Variants in NTF4 observed in about 807,000 individuals in gnomAD.
NTF4 encodes the protein neurotrophin 4, also known as neurotrophin-4.
NTF4 carries 2 observed loss-of-function variants against 4.4 expected under a neutral mutation model. The observed-to-expected ratio is 0.46, with a 90% confidence interval of 0.19 to 1.44. The LOEUF is 1.44. NTF4 is among the 40% of genes most tolerant of loss of function. NTF4 has a pLI of 0.26. For missense variants in NTF4, 260 were observed against 293.0 expected, an observed-to-expected ratio of 0.89 and a Z score of 0.82; for synonymous variants, 127 against 122.0, an observed-to-expected ratio of 1.04 and a Z score of -0.27.
chr19:49,061,344 T>C lies in NTF4; in HGVS notation c.*21A>G. 1 of 1,611,438 alleles carries C rather than the reference T, an allele frequency of 6.2e-7. No individual in the cohort carries two copies. The highest frequency in any genetic ancestry group is 1.1e-5 in the South Asian group (1 of 90,984). ...TGAGGTCTCTCAGCATCCAGCTCTG[T>C]TATTTTCCTGGGCATGGGTCTCAGG... is the stretch of plus-strand genomic sequence containing the variant. On this transcript the variant is annotated 3_prime_UTR_variant, in exon 1 of 1. Coordinates refer to ENST00000593537, the Ensembl canonical transcript of NTF4. This position sits in a 1 kb window ranked among gnomAD's most constrained non-coding sequence, Gnocchi z 4.9.
upstream of NTF4, among the ~76,000 whole-genome samples, chr19:49,063,153 C>T (rs533088498): frequency 2.4e-4 from 37 of 151,696 alleles, 1 homozygote; most frequent in South Asian, 6.5e-3. Flanking sequence ...ATTACAAGCA[C>T]CTGCCACTGT....
chr19:49,059,079 C>A (rs1362676267), downstream of NTF4, among the ~76,000 whole-genome samples: 8 of 152,094 alleles, frequency 5.3e-5, 1 homozygote, highest in East Asian at 1.5e-3. Flanking sequence ...GAGATACAGA[C>A]AGAGACCCCT....
upstream of NTF4, among the ~76,000 whole-genome samples, chr19:49,062,812 A>G (rs1408091581): frequency 6.6e-6 from 1 of 152,114 alleles, no homozygotes; most frequent in African/African-American, 2.4e-5. Context: ...ATAAAATAAA[A>G]ATAAAAATAA....
downstream of NTF4, among the ~76,000 whole-genome samples, chr19:49,059,201 C>G (rs763738615): frequency 9.9e-5 from 15 of 152,126 alleles, no homozygotes; most frequent in Non-Finnish European, 2.1e-4. Context: ...CTCGGGGTAA[C>G]GATTTCCAGA....
In NTF4 at chr19:49,061,316, C is replaced by G; in HGVS notation, c.*49G>C. On this transcript the variant is annotated 3_prime_UTR_variant, in exon 1 of 1. Transcript: ENST00000593537. The surrounding 1 kb of genome is among the most constrained non-coding windows in gnomAD (Gnocchi z 4.9). Reference sequence around the variant, plus strand: ...GGGGTCCTTAGATCAGCTGGGCCATCCCTGAGGTCTCTCAGCATCCAGCTC... The same window carrying G: ...GGGGTCCTTAGATCAGCTGGGCCATGCCTGAGGTCTCTCAGCATCCAGCTC... 1.2e-6 allele frequency: 2 copies of G among 1,608,658 alleles called. No homozygotes were observed. Among genetic ancestry groups the G allele is most frequent in the Non-Finnish European group, 1.7e-6 (2 of 1,179,706 alleles).
At chr19:49,060,403 C>T (rs985671132), downstream of NTF4, among the ~76,000 whole-genome samples, 1 of 152,120 alleles carries the variant, frequency 6.6e-6, no homozygotes, top group Admixed American at 6.6e-5. Flanking sequence ...ACAGTCTTGG[C>T]TTACTGCAAC....
downstream of NTF4, among the ~76,000 whole-genome samples, chr19:49,060,363 C>G (rs558873104): frequency 6.6e-6 from 1 of 152,182 alleles, no homozygotes; most frequent in East Asian, 1.9e-4. Context: ...TGGAGTTTCG[C>G]TCTTTTTGCC....
At chr19:49,062,138 G>A (rs564457652), upstream of NTF4, 14 of 1,035,146 alleles carry the variant, frequency 1.4e-5, no homozygotes, top group South Asian at 2.1e-4. Flanking sequence ...AGAAGTTTGG[G>A]GGACCCTATA....
rs1378028310 is a variant in NTF4 at position 49,061,551 on chromosome 19, A to G, written c.447T>C (p.Gly149=). Residue 149 remains glycine (G), a synonymous_variant, in exon 1 of 1, where the codon GGT becomes GGC. Coordinates refer to ENST00000593537, the Ensembl canonical transcript of NTF4. The surrounding 1 kb of genome is among the most constrained non-coding windows in gnomAD (Gnocchi z 4.9). ...AGCCCCCTCCACCTGCCCCCGGGCC[A>G]CCTTCCTCAGCGTTATCAGCCTTGC... The G allele has an allele frequency of 9.3e-6, 15 of 1,613,964 alleles. No homozygotes were observed. The highest frequency in any genetic ancestry group is 1.3e-5 in the Non-Finnish European group (15 of 1,180,008).
rs1288355817 is a variant in NTF4 at position 49,061,188 on chromosome 19, C to T, written c.*177G>A. 8 of 1,250,726 alleles carry T rather than the reference C, an allele frequency of 6.4e-6. No homozygotes were observed. Among genetic ancestry groups the T allele is most frequent in the African/African-American group, 1.5e-5 (1 of 66,620 alleles). The allele number at this position is 1,250,726 out of a possible 1,614,324, so 77.5% of individuals were successfully genotyped here. Reference sequence around the variant, plus strand: ...CCCTCAAGTTGCTCCAGGAGAACTCCTATTCAACCTCCAAAACCCCATGTG... The same window carrying T: ...CCCTCAAGTTGCTCCAGGAGAACTCTTATTCAACCTCCAAAACCCCATGTG... On this transcript the variant is annotated 3_prime_UTR_variant, in exon 1 of 1. Transcript: ENST00000593537. The surrounding 1 kb of genome is among the most constrained non-coding windows in gnomAD (Gnocchi z 4.9).
chr19:49,058,452 A>T, downstream of NTF4: 1 of 635,710 alleles, frequency 1.6e-6, no homozygotes, highest in South Asian at 2.1e-5. Context: ...TTTCCTCTGC[A>T]GTCCCTGGCA....
upstream of NTF4, among the ~76,000 whole-genome samples, chr19:49,063,528 G>C (rs1354669292): frequency 6.6e-6 from 1 of 152,048 alleles, no homozygotes; most frequent in Non-Finnish European, 1.5e-5. Flanking sequence ...ATCCTAGGGA[G>C]ACCCCAGTTC....
downstream of NTF4, chr19:49,058,511 T>G (rs1358751268): frequency 1.8e-6 from 1 of 541,890 alleles, no homozygotes; most frequent in East Asian, 3.2e-5. Flanking sequence ...TCCAGGACCC[T>G]CCTCCTTCAG....
upstream of NTF4, among the ~76,000 whole-genome samples, chr19:49,063,199 G>A (rs1480714512): frequency 6.6e-6 from 1 of 151,746 alleles, no homozygotes; most frequent in Non-Finnish European, 1.5e-5. Context: ...TAGAGATGGG[G>A]TTTCACCATG....
At chr19:49,060,288 C>T (rs935337750), downstream of NTF4, among the ~76,000 whole-genome samples, 20 of 151,882 alleles carry the variant, frequency 1.3e-4, no homozygotes, top group East Asian at 1.4e-3. Flanking sequence ...GCCAGGGGGC[C>T]GATGAGTTAG....
At chr19:49,062,087 G>A (rs1047788313), upstream of NTF4, 3 of 1,409,050 alleles carry the variant, frequency 2.1e-6, no homozygotes, top group Admixed American at 2.9e-5. Context: ...GGAACCCCAG[G>A]GGAGGCTTGC....
chr19:49,061,283 C>T lies in NTF4; in HGVS notation c.*82G>A. The T allele has an allele frequency of 1.3e-6, 2 of 1,591,422 alleles. No individual in the cohort carries two copies. Among genetic ancestry groups the T allele is most frequent in the Non-Finnish European group, 1.7e-6 (2 of 1,173,476 alleles). ...TGATTTTGTGATTATTTGATGAGTTCCCAAACTGGGGTCCTTAGATCAGCT... is the reference window on the plus strand; with the variant it reads ...TGATTTTGTGATTATTTGATGAGTTTCCAAACTGGGGTCCTTAGATCAGCT... On this transcript the variant is annotated 3_prime_UTR_variant, in exon 1 of 1. Coordinates refer to ENST00000593537, the Ensembl canonical transcript of NTF4. The surrounding 1 kb of genome is among the most constrained non-coding windows in gnomAD (Gnocchi z 4.9).
At position 49,061,874 on chromosome 19, in the gene NTF4, G is replaced by A. The variant is rs987875217; in HGVS notation, c.124C>T (p.Leu42Phe). The change falls in exon 1 of 1, where the codon CTC becomes TTC. Residue 42 changes from leucine to phenylalanine, a missense_variant. By Grantham distance (22) the Leu-to-Phe change is conservative. Coordinates refer to ENST00000593537, the Ensembl canonical transcript of NTF4. The surrounding 1 kb of genome is among the most constrained non-coding windows in gnomAD (Gnocchi z 4.9). The stretch of plus-strand genomic sequence containing the variant: ...CTAGACAGGACTACTCGGGGGGAGA[G>A]AAGGTCCCACTCAGGGGCCAGAAAA... 1 of 1,540,968 alleles carries A rather than the reference G, an allele frequency of 6.5e-7. No individual in the cohort carries two copies. Among genetic ancestry groups the A allele is most frequent in the African/African-American group, 1.4e-5 (1 of 72,770 alleles).
Position 49,061,385 on chromosome 19 carries a change from T to G in NTF4, c.613A>C (p.Ser205Arg). ...GGGTCTCAGGCCCGGCCAGTCCGGCTGAGGAGTGTGCAGACGCAGGCAGTG... is the reference window on the plus strand; with the variant it reads ...GGGTCTCAGGCCCGGCCAGTCCGGCGGAGGAGTGTGCAGACGCAGGCAGTG... The change falls in exon 1 of 1, where the codon AGC (serine) becomes CGC (arginine). Residue 205 changes from serine (S) to arginine (R), a missense_variant. Ser to Arg is a moderately radical substitution (Grantham distance 110). Transcript: ENST00000593537. This position sits in a 1 kb window ranked among gnomAD's most constrained non-coding sequence, Gnocchi z 4.9. 1 of 1,612,694 alleles carries G rather than the reference T, an allele frequency of 6.2e-7. No homozygotes were observed. The highest frequency in any genetic ancestry group is 8.5e-7 in the Non-Finnish European group (1 of 1,180,022).
Sources: gnomAD v4.1 joint callset for allele counts (sites outside exome capture counted in the v4.1 genomes callset) on GRCh38, gnomAD v4.1.1 for gene constraint, Gnocchi (gnomAD v3.1) non-coding constraint, MANE v1.5 for transcripts, NCBI Gene and HGNC (gene_info 2026-07-23, HGNC 2026-07-21) for gene names.